The following SFMBT2 variants were observed in gnomAD, a reference collection of about 807,000 sequenced individuals.
The protein encoded by SFMBT2 is Scm like with four mbt domains 2.
SFMBT2 carries 38 observed loss-of-function variants against 110.1 expected under a neutral mutation model. That is an observed-to-expected ratio of 0.35 (90% CI 0.27 to 0.45). The LOEUF is 0.45. Among genes scored for constraint, SFMBT2 ranks in the 20% least tolerant of loss-of-function variants. The probability of loss-of-function intolerance (pLI) is 1.00; values close to 1 mark genes in which losing one functional copy is unlikely to be tolerated. For missense variants in SFMBT2, 1,011 were observed against 1,094.9 expected, an observed-to-expected ratio of 0.92 and a Z score of 1.08; for synonymous variants, 425 against 425.4, an observed-to-expected ratio of 1.00 and a Z score of 0.01.
chr10:7,282,356 A>G (rs1841969458), intron 6 of SFMBT2, among the ~76,000 whole-genome samples: 1 of 152,342 alleles, frequency 6.6e-6, no homozygotes, highest in African/African-American at 2.4e-5. Flanking sequence ...GCCACTAGTC[A>G]TCCTTTGCTT....
intron 9 of SFMBT2, among the ~76,000 whole-genome samples, chr10:7,238,770 C>T (rs1326832304): frequency 1.3e-5 from 2 of 152,158 alleles, no homozygotes; most frequent in African/African-American, 2.4e-5. Flanking sequence ...GGAACTTTTC[C>T]TCCACTAATT....
At chr10:7,338,689 C>G (rs1236217851) in intron 4 of SFMBT2, among the ~76,000 whole-genome samples, 1 of 152,096 alleles carries the variant, frequency 6.6e-6, no homozygotes, top group Non-Finnish European at 1.5e-5. Context: ...AAATGACTCA[C>G]GTATAAATGA....
Position 7,169,890 on chromosome 10 carries a change from G to A in SFMBT2, c.2544+1038C>T, listed in dbSNP as rs1837817293. 2.0e-5 allele frequency among the ~76,000 whole-genome samples: 3 copies of A among 152,216 alleles called. No homozygotes were observed. In the South Asian group the frequency reaches 6.2e-4, roughly 32 times the overall value. On this transcript the variant is annotated intron_variant, in intron 20 of 20. Transcript: ENST00000397167. Reference sequence around the variant, plus strand: ...CTGGACTATAGGCTCCTTTAAGGTAGAAATTATATCGACTGTTATTGCATT... The same window carrying A: ...CTGGACTATAGGCTCCTTTAAGGTAAAAATTATATCGACTGTTATTGCATT...
intron 4 of SFMBT2, among the ~76,000 whole-genome samples, chr10:7,336,264 T>C (rs534858875): frequency 2.6e-5 from 4 of 152,352 alleles, no homozygotes; most frequent in African/African-American, 7.2e-5. Context: ...CTGGATACAA[T>C]AGTAATACTT....
intron 2 of SFMBT2, among the ~76,000 whole-genome samples, chr10:7,381,093 A>T (rs1298103124): frequency 6.6e-6 from 1 of 151,942 alleles, no homozygotes; most frequent in Admixed American, 6.6e-5. Flanking sequence ...ACATACATAC[A>T]TACATACATA....
chr10:7,217,605 G>C (rs1413114953), intron 11 of SFMBT2, among the ~76,000 whole-genome samples: 1 of 152,152 alleles, frequency 6.6e-6, no homozygotes, highest in Non-Finnish European at 1.5e-5. Flanking sequence ...AGAGCTAGGA[G>C]AGCATACCGA....
At chr10:7,205,672 A>T (rs1438157592) in intron 12 of SFMBT2, 143 bp downstream of exon 12, 12 of 1,396,904 alleles carry the variant, frequency 8.6e-6, no homozygotes, top group Non-Finnish European at 1.1e-5. Flanking sequence ...ATTAAGCGAG[A>T]TCATGAAAAC....
chr10:7,244,112 G>C (rs1840529501), intron 8 of SFMBT2: 1 of 586,766 alleles, frequency 1.7e-6, no homozygotes, highest in Non-Finnish European at 2.1e-6. Flanking sequence ...CTTTACACCA[G>C]ATCACTCAAG....
chr10:7,386,570 T>C (rs151181921), intron 1 of SFMBT2, among the ~76,000 whole-genome samples: 11 of 152,182 alleles, frequency 7.2e-5, no homozygotes, highest in Non-Finnish European at 1.3e-4. Context: ...ATCATGCCAC[T>C]GCACTCCAGC....
chr10:7,394,137 T>A (rs1012911336), intron 1 of SFMBT2, among the ~76,000 whole-genome samples: 3 of 152,050 alleles, frequency 2.0e-5, no homozygotes, highest in Non-Finnish European at 1.5e-5. Context: ...GTAGCTGGGA[T>A]TACAGGCGCG....
intron 3 of SFMBT2, 48 bp downstream of exon 3, chr10:7,370,232 TC>T (rs1845024667): frequency 1.3e-6 from 2 of 1,531,494 alleles, no homozygotes; most frequent in African/African-American, 1.4e-5. Flanking sequence ...ATAGATTCCT[TC>T]CCTTCCCACT....
chr10:7,211,958 G>A (rs1358856811), intron 11 of SFMBT2, among the ~76,000 whole-genome samples: 1 of 152,140 alleles, frequency 6.6e-6, no homozygotes, highest in Non-Finnish European at 1.5e-5. Context: ...TACAAGGTGG[G>A]CTCAGACGGG....
At chr10:7,272,122 T>C (rs1841604640) in intron 7 of SFMBT2, among the ~76,000 whole-genome samples, 1 of 152,112 alleles carries the variant, frequency 6.6e-6, no homozygotes. Context: ...GCTCAGCATG[T>C]CCAGGAAGGA....
rs1475086649 is a variant in SFMBT2, at chr10:7,408,109, C to G, written c.-52+2752G>C. Among the ~76,000 whole-genome samples, 1 of 152,270 alleles carries G rather than the reference C, an allele frequency of 6.6e-6. No individual in the cohort carries two copies. Among genetic ancestry groups the G allele is most frequent in the East Asian group, 1.9e-4 (1 of 5,198 alleles). ...TTTCGGGGCCTTGGAGCAAATTGCG[C>G]TTGTCAGCGGCGACGTCAGGAGGAC... On this transcript the variant is annotated intron_variant, in intron 1 of 20. Coordinates refer to ENST00000397167, the MANE Select transcript of SFMBT2 (RefSeq NM_001387889.1). This position sits in a 1 kb window ranked among gnomAD's most constrained non-coding sequence, Gnocchi z 5.7.
At chr10:7,176,465 C>T (rs1564368047) in intron 16 of SFMBT2, 1 of 984,788 alleles carries the variant, frequency 1.0e-6, no homozygotes, top group Non-Finnish European at 1.2e-6. Context: ...GTGCGGGATA[C>T]ATACCTGATG....
intron 4 of SFMBT2, among the ~76,000 whole-genome samples, chr10:7,347,091 C>T (rs1844140161): frequency 6.6e-6 from 1 of 152,140 alleles, no homozygotes; most frequent in South Asian, 2.1e-4. Context: ...TCCCTCCCTT[C>T]TTTGTTGTAG....
chr10:7,369,517 C>T (rs1481333163), intron 3 of SFMBT2, among the ~76,000 whole-genome samples: 2 of 152,178 alleles, frequency 1.3e-5, no homozygotes, highest in Non-Finnish European at 2.9e-5. Context: ...GCTGGACATG[C>T]TATTTGCATT....
intron 10 of SFMBT2, among the ~76,000 whole-genome samples, chr10:7,221,622 T>C (rs1288556581): frequency 1.3e-5 from 2 of 151,966 alleles, no homozygotes; most frequent in Admixed American, 6.6e-5. Flanking sequence ...TTTTTGATGA[T>C]GAATTCTTGT....
At chr10:7,397,472 T>C (rs1337534663) in intron 1 of SFMBT2, among the ~76,000 whole-genome samples, 2 of 152,142 alleles carry the variant, frequency 1.3e-5, no homozygotes, top group African/African-American at 4.8e-5. Flanking sequence ...AGACATGCTG[T>C]AGCCACCCTT....
Sources: gnomAD v4.1 joint callset for allele counts (sites outside exome capture counted in the v4.1 genomes callset) on GRCh38, gnomAD v4.1.1 for gene constraint, Gnocchi (gnomAD v3.1) non-coding constraint, MANE v1.5 for transcripts, NCBI Gene and HGNC (gene_info 2026-07-23, HGNC 2026-07-21) for gene names.